PIGN: variants seen among roughly 807,000 people sequenced by gnomAD.
PIGN encodes the protein phosphatidylinositol glycan anchor biosynthesis class N.
A neutral mutation model predicts 125.4 loss-of-function variants in PIGN; 117 were observed. The observed-to-expected ratio is 0.93, with a 90% CI of 0.80 to 1.09. The LOEUF (loss-of-function observed/expected upper bound fraction) is 1.09, where lower values mean the gene tolerates loss of function less well. PIGN is among the 50% of genes least tolerant of loss of function. The pLI is 0.00. For missense variants in PIGN, 1,075 were observed against 1,094.9 expected, an observed-to-expected ratio of 0.98 and a Z score of 0.26; for synonymous variants, 392 against 377.8, an observed-to-expected ratio of 1.04 and a Z score of -0.44.
chr18:62,045,761 T>G lies in PIGN; in HGVS notation c.*95A>C. 1 of 1,205,932 alleles carries G rather than the reference T, an allele frequency of 8.3e-7. No individual in the cohort carries two copies. Among genetic ancestry groups the G allele is most frequent in the South Asian group, 1.4e-5 (1 of 71,544 alleles). 74.7% of individuals were successfully genotyped at this position (1,205,932 alleles called of 1,614,324 possible). ...TTTTCCTTACAGGAGTAGAATATACTATATATCCATATCCATCTTCTTATT... is the reference window on the plus strand; with the variant it reads ...TTTTCCTTACAGGAGTAGAATATACGATATATCCATATCCATCTTCTTATT... On this transcript the variant is annotated 3_prime_UTR_variant, in exon 31 of 31. Transcript: ENST00000640252.
intron 30 of PIGN, among the ~76,000 whole-genome samples, chr18:62,055,181 GA>G (rs918354367): frequency 1.1e-4 from 16 of 152,136 alleles, no homozygotes; most frequent in Non-Finnish European, 2.9e-5. Flanking sequence ...ATGCCAGAGG[GA>G]AAAAACTGTT....
intron 30 of PIGN, among the ~76,000 whole-genome samples, chr18:62,049,361 C>A (rs1370307457): frequency 6.7e-6 from 1 of 149,430 alleles, no homozygotes; most frequent in Non-Finnish European, 1.5e-5. Flanking sequence ...CTCTCCAGCA[C>A]CTGTTGTTTC....
chr18:62,155,530 C>T (rs527453149), intron 6 of PIGN, among the ~76,000 whole-genome samples: 1 of 152,204 alleles, frequency 6.6e-6, no homozygotes, highest in South Asian at 2.1e-4. Context: ...GATCGTGCCA[C>T]TGCACTCCAG....
At chr18:62,172,243 T>C (rs1271743227) in intron 1 of PIGN, among the ~76,000 whole-genome samples, 3 of 152,182 alleles carry the variant, frequency 2.0e-5, no homozygotes, top group Non-Finnish European at 2.9e-5. Context: ...GTCAAATTTA[T>C]TGACTAAAAT....
chr18:62,045,932 A>C lies in PIGN; in HGVS notation c.2720T>G (p.Phe907Cys), dbSNP rs749685137. The C allele has an allele frequency of 6.2e-7, 1 of 1,613,628 alleles. No homozygotes were observed. Among genetic ancestry groups the C allele is most frequent in the South Asian group, 1.1e-5 (1 of 90,950 alleles). ...GAGCAGCTGGGCCAGGCCATTGAGG[A>C]ACACCAAAAAGATGGTCATGGACAT... Reference protein sequence around the residue: ...IVMSMTIFLVFLNGLAQLLTT... With the variant: ...IVMSMTIFLVCLNGLAQLLTT... The change falls in exon 31 of 31, where the codon TTC becomes TGC. Residue 907 changes from phenylalanine (F) to cysteine (C), a missense_variant. Phe to Cys is a radical substitution (Grantham distance 205). This residue lies in a region of PIGN where 915 missense variants were observed against 908.7 expected (regional missense o/e 1.01). Transcript: ENST00000640252.
chr18:62,026,157 AG>A (rs995396104), intron 23 of PIGN, among the ~76,000 whole-genome samples: 37 of 152,248 alleles, frequency 2.4e-4, no homozygotes, highest in Admixed American at 1.0e-3. Context: ...GGCACCCATA[AG>A]AACTCAGTAA....
chr18:62,066,622 T>C (rs1299405333), intron 30 of PIGN, among the ~76,000 whole-genome samples: 1 of 152,152 alleles, frequency 6.6e-6, no homozygotes, highest in Non-Finnish European at 1.5e-5. Context: ...ACAGCCTTTA[T>C]CACGTCTTTC....
At chr18:62,110,613 A>T (rs1445637544) in intron 16 of PIGN, among the ~76,000 whole-genome samples, 2 of 152,190 alleles carry the variant, frequency 1.3e-5, no homozygotes, top group East Asian at 3.9e-4. Context: ...AACCTTTAAG[A>T]GCAAAACTAA....
At chr18:62,022,830 T>C (rs545034019) in intron 23 of PIGN, among the ~76,000 whole-genome samples, 2 of 152,354 alleles carry the variant, frequency 1.3e-5, no homozygotes, top group East Asian at 3.9e-4. Flanking sequence ...GGGAATTTGT[T>C]TCAAGACCCT....
chr18:62,030,707 A>C (rs561068882), intron 23 of PIGN, among the ~76,000 whole-genome samples: 4 of 152,382 alleles, frequency 2.6e-5, no homozygotes, highest in African/African-American at 9.6e-5. Context: ...CTTGTGGCCC[A>C]GTAAATTGCT....
chr18:62,157,667 A>T lies in PIGN; in HGVS notation c.343+20T>A. ...CTTGACAAATTTTTCATTTCATAAG[A>T]TTGTCCAAATAGACAATACCTTTGG... is the stretch of plus-strand genomic sequence containing the variant. On this transcript the variant is annotated intron_variant, in intron 5 of 30. Coordinates refer to ENST00000640252, the MANE Select transcript of PIGN (RefSeq NM_176787.5). 3 of 1,601,944 alleles carry T rather than the reference A, an allele frequency of 1.9e-6. No individual in the cohort carries two copies. In the South Asian group the frequency reaches 3.4e-5, roughly 18 times the overall value.
At chr18:62,094,139 T>C (rs1433134176) in intron 23 of PIGN, among the ~76,000 whole-genome samples, 1 of 152,138 alleles carries the variant, frequency 6.6e-6, no homozygotes, top group Non-Finnish European at 1.5e-5. Context: ...TTAAAATATT[T>C]ATCCCCTATG....
chr18:62,093,633 T>C (rs138336312), intron 23 of PIGN, among the ~76,000 whole-genome samples: 6 of 152,276 alleles, frequency 3.9e-5, no homozygotes, highest in Admixed American at 3.3e-4. Flanking sequence ...TGCATAAAAA[T>C]AATTAAGTGC....
At chr18:62,035,183 C>T (rs561600847) in intron 23 of PIGN, among the ~76,000 whole-genome samples, 1 of 152,144 alleles carries the variant, frequency 6.6e-6, no homozygotes, top group Non-Finnish European at 1.5e-5. Context: ...GATTGTGAGG[C>T]CTCCCCAGCC....
At chr18:62,033,021 G>T (rs977418017) in intron 23 of PIGN, among the ~76,000 whole-genome samples, 3 of 152,216 alleles carry the variant, frequency 2.0e-5, no homozygotes, top group African/African-American at 7.2e-5. Context: ...AACTAGGCAG[G>T]CTTAACAAAT....
chr18:62,168,748 C>T (rs1240791799), intron 1 of PIGN, among the ~76,000 whole-genome samples: 1 of 151,894 alleles, frequency 6.6e-6, no homozygotes, highest in Non-Finnish European at 1.5e-5. Context: ...AAAAACTGTA[C>T]ATAAAGTGTA....
Position 62,045,777 on chromosome 18 carries a change from T to C in PIGN, c.*79A>G. Reference sequence around the variant, plus strand: ...AGAATATACTATATATCCATATCCATCTTCTTATTGAAGCCTTGATGAGAT... The same window carrying C: ...AGAATATACTATATATCCATATCCACCTTCTTATTGAAGCCTTGATGAGAT... On this transcript the variant is annotated 3_prime_UTR_variant, in exon 31 of 31. Coordinates refer to ENST00000640252, the MANE Select transcript of PIGN (RefSeq NM_176787.5). 1 of 1,416,994 alleles carries C rather than the reference T, an allele frequency of 7.1e-7. No individual in the cohort carries two copies. The highest frequency in any genetic ancestry group is 9.9e-7 in the Non-Finnish European group (1 of 1,014,594). 87.8% of individuals were successfully genotyped at this position (1,416,994 alleles called of 1,614,324 possible). A position where few individuals can be genotyped will look rare whatever the true frequency, so the allele number is the denominator to read the frequency against.
chr18:62,113,761 C>G (rs1028912279), intron 15 of PIGN, among the ~76,000 whole-genome samples: 5 of 151,712 alleles, frequency 3.3e-5, no homozygotes, highest in African/African-American at 1.2e-4. Flanking sequence ...TTAAAATCAT[C>G]AAAAAAAGCA....
intron 30 of PIGN, among the ~76,000 whole-genome samples, chr18:62,065,077 G>T (rs1412153040): frequency 1.3e-5 from 2 of 152,054 alleles, no homozygotes; most frequent in Non-Finnish European, 2.9e-5. Flanking sequence ...GCAGGAAGGG[G>T]GACAATAAAA....
Sources: gnomAD v4.1 joint callset for allele counts (sites outside exome capture counted in the v4.1 genomes callset) on GRCh38, gnomAD v4.1.1 for gene constraint, gnomAD v4.1.1 regional missense constraint, MANE v1.5 for transcripts, NCBI Gene and HGNC (gene_info 2026-07-23, HGNC 2026-07-21) for gene names.